The following GREB1L variants were observed in gnomAD, a reference collection of about 807,000 sequenced individuals.
GREB1L encodes GREB1-like protein.
A neutral mutation model predicts 200.8 loss-of-function variants in GREB1L; 17 were observed. That is an observed-to-expected ratio of 0.08 (90% confidence interval 0.06 to 0.13). The LOEUF is 0.13. GREB1L is among the 10% of genes least tolerant of loss of function. The probability of loss-of-function intolerance (pLI) is 1.00; values close to 1 mark genes in which losing one functional copy is unlikely to be tolerated. For missense variants in GREB1L, 1,657 were observed against 2,367.7 expected (o/e 0.70, Z 6.23); for synonymous variants, 789 against 893.0 (o/e 0.88, Z 2.08).
intron 20 of GREB1L, 127 bp from the exon 21 acceptor site, chr18:21,496,327 C>A: frequency 1.0e-6 from 1 of 1,003,146 alleles, no homozygotes; most frequent in Non-Finnish European, 1.5e-6. Flanking sequence ...AGGTTTCAGT[C>A]AAGGCTCACC....
chr18:21,371,352 T>C (rs1168343120), intron 2 of GREB1L, among the ~76,000 whole-genome samples: 1 of 152,172 alleles, frequency 6.6e-6, no homozygotes, highest in African/African-American at 2.4e-5. Context: ...TTTGGAACTT[T>C]TACATTATTT....
At chr18:21,387,084 A>G (rs577680612) in intron 4 of GREB1L, among the ~76,000 whole-genome samples, 1 of 152,336 alleles carries the variant, frequency 6.6e-6, no homozygotes, top group Non-Finnish European at 1.5e-5. Flanking sequence ...TTTGGTTGCT[A>G]ATTTCTTATG....
At chr18:21,475,204 A>G (rs2035639137) in intron 16 of GREB1L, among the ~76,000 whole-genome samples, 3 of 152,070 alleles carry the variant, frequency 2.0e-5, no homozygotes, top group Admixed American at 2.0e-4. Flanking sequence ...CCACTTTTCC[A>G]TTTGGCCTTG....
intron 24 of GREB1L, 28 bp downstream of exon 24, chr18:21,505,595 C>T (rs568611275): frequency 6.6e-5 from 102 of 1,549,776 alleles, no homozygotes; most frequent in Non-Finnish European, 8.4e-5. Flanking sequence ...AGTTCACCTC[C>T]TCTCTGGGTT....
At chr18:21,450,685 C>T in intron 12 of GREB1L, 1 of 174,730 alleles carries the variant, frequency 5.7e-6, no homozygotes, top group Non-Finnish European at 1.2e-5. Context: ...GCCCAATTGG[C>T]CAGCCCTGGG....
At chr18:21,360,482 T>C (rs527362439) in intron 1 of GREB1L, among the ~76,000 whole-genome samples, 1 of 152,310 alleles carries the variant, frequency 6.6e-6, no homozygotes, top group South Asian at 2.1e-4. Context: ...CGCCTCGGCC[T>C]CCCAAAGTGC....
Position 21,496,487 on chromosome 18 carries a change from C to G in GREB1L, c.3180C>G (p.Asp1060Glu). The G allele has an allele frequency of 6.4e-7, 1 of 1,551,730 alleles. No homozygotes were observed. Among genetic ancestry groups the G allele is most frequent in the South Asian group, 1.2e-5 (1 of 84,066 alleles). ...AGTACTGTGACCTCCGGTTAATTGACTCAAGCTATTTAACTCGCACGGCCT... is the reference window on the plus strand; with the variant it reads ...AGTACTGTGACCTCCGGTTAATTGAGTCAAGCTATTTAACTCGCACGGCCT... ...SLKYCDLRLI[D>E]SSYLTRTALE... The change falls in exon 21 of 33, where the codon GAC becomes GAG. Residue 1060 changes from aspartate (D) to glutamate (E), a missense_variant. By Grantham distance (45) the Asp-to-Glu change is conservative. This residue lies in a region of GREB1L where 512 missense variants were observed against 668.3 expected (regional missense o/e 0.77). Coordinates refer to ENST00000424526, the MANE Select transcript of GREB1L (RefSeq NM_001142966.3).
At chr18:21,276,100 G>A (rs1023868423) in intron 1 of GREB1L, among the ~76,000 whole-genome samples, 5 of 152,162 alleles carry the variant, frequency 3.3e-5, no homozygotes, top group Non-Finnish European at 7.3e-5. Flanking sequence ...TCTTGAACTT[G>A]TCTTGGGTCA....
At chr18:21,364,365 T>C (rs2039627952) in intron 1 of GREB1L, among the ~76,000 whole-genome samples, 1 of 152,028 alleles carries the variant, frequency 6.6e-6, no homozygotes, top group African/African-American at 2.4e-5. Flanking sequence ...ATTTTGTTGG[T>C]GAAGGTCAAA....
chr18:21,516,212 T>A (rs1470592898), intron 29 of GREB1L, among the ~76,000 whole-genome samples: 1 of 152,200 alleles, frequency 6.6e-6, no homozygotes, highest in Non-Finnish European at 1.5e-5. Flanking sequence ...AAAGTCCTTA[T>A]GCCAAACTTA....
In GREB1L at chr18:21,291,367, C is replaced by T. The variant is rs139047946; in HGVS notation, c.-120+48974C>T. On this transcript the variant is annotated intron_variant, in intron 1 of 32. Transcript: ENST00000424526. ...CTCTTTGTTAAAGCCTTCCCTGACTCGCTATCTACCCTTCACTCACTATCC... is the reference window on the plus strand; with the variant it reads ...CTCTTTGTTAAAGCCTTCCCTGACTTGCTATCTACCCTTCACTCACTATCC... 7.4e-3 allele frequency among the ~76,000 whole-genome samples: 1,122 copies of T among 152,280 alleles called. 10 individuals are homozygous for T. Among genetic ancestry groups the T allele is most frequent in the Non-Finnish European group, 0.011 (747 of 68,022 alleles).
At chr18:21,311,837 CTT>C (rs1432104330) in intron 1 of GREB1L, among the ~76,000 whole-genome samples, 1 of 151,188 alleles carries the variant, frequency 6.6e-6, no homozygotes, top group Non-Finnish European at 1.5e-5. Flanking sequence ...TTTTTTTTAA[CTT>C]TTATTTTAGG....
chr18:21,268,584 T>C (rs1179502656), intron 1 of GREB1L, among the ~76,000 whole-genome samples: 5 of 135,830 alleles, frequency 3.7e-5, no homozygotes, highest in Admixed American at 7.5e-5. Flanking sequence ...TATATATATA[T>C]ATATATATAC....
intron 1 of GREB1L, among the ~76,000 whole-genome samples, chr18:21,267,264 C>G (rs1289605654): frequency 6.6e-6 from 1 of 150,596 alleles, no homozygotes; most frequent in Non-Finnish European, 1.5e-5. Context: ...TCACTGCAAC[C>G]TCTGCCTCCC....
In GREB1L at chr18:21,454,442, T is replaced by A; in HGVS notation, c.2061T>A (p.Ala687=). 1 of 1,551,776 alleles carries A rather than the reference T, an allele frequency of 6.4e-7. No individual in the cohort carries two copies. Among genetic ancestry groups the A allele is most frequent in the Non-Finnish European group, 8.7e-7 (1 of 1,146,934 alleles). Residue 687 remains alanine (A), a synonymous_variant, in exon 15 of 33, where the codon GCT becomes GCA. Transcript: ENST00000424526. ...VARKLLSQVC[A]IADSGSQSLD... ...GAAAACTCTTATCCCAGGTGTGTGC[T>A]ATAGCGGACAGTGGCAGCCAGAGCC...
intron 1 of GREB1L, among the ~76,000 whole-genome samples, chr18:21,332,283 AT>A (rs1281469896): frequency 4.6e-5 from 7 of 152,128 alleles, no homozygotes; most frequent in Non-Finnish European, 1.0e-4. Flanking sequence ...GAGCAGCCGC[AT>A]TTTTATTTCT....
intron 1 of GREB1L, among the ~76,000 whole-genome samples, chr18:21,355,982 C>CTTTTT (rs869238658): frequency 9.2e-4 from 100 of 109,156 alleles, no homozygotes; most frequent in Non-Finnish European, 1.0e-3. Flanking sequence ...AATTAGGCTT[C>CTTTTT]TTTTTTTTTT....
intron 1 of GREB1L, among the ~76,000 whole-genome samples, chr18:21,297,301 G>T (rs1191017028): frequency 6.6e-6 from 1 of 152,144 alleles, no homozygotes; most frequent in Non-Finnish European, 1.5e-5. Context: ...ATGAATTACA[G>T]GTGTGCAGTG....
At chr18:21,271,221 T>G (rs780560101) in intron 1 of GREB1L, among the ~76,000 whole-genome samples, 9 of 152,208 alleles carry the variant, frequency 5.9e-5, no homozygotes, top group African/African-American at 9.6e-5. Context: ...ATTGAGGCCT[T>G]TGTTTTGTCA....
Sources: gnomAD v4.1 joint callset for allele counts (sites outside exome capture counted in the v4.1 genomes callset) on GRCh38, gnomAD v4.1.1 for gene constraint, gnomAD v4.1.1 regional missense constraint, MANE v1.5 for transcripts, NCBI Gene and HGNC (gene_info 2026-07-23, HGNC 2026-07-21) for gene names.